Variants in PDE4D observed in about 807,000 individuals in gnomAD.
PDE4D encodes the protein phosphodiesterase 4D.
In PDE4D, 24 loss-of-function variants were observed where a neutral mutation model predicts 87.4. That is an observed-to-expected ratio of 0.27 (90% CI 0.20 to 0.39). The LOEUF (loss-of-function observed/expected upper bound fraction) is 0.39. Ranked by LOEUF, PDE4D falls within the 10% of genes least tolerant of loss-of-function variation. The pLI is 1.00. For missense variants in PDE4D, 714 were observed against 1,041.0 expected, an observed-to-expected ratio of 0.69 and a Z score of 4.32; for synonymous variants, 384 against 383.2, an observed-to-expected ratio of 1.00 and a Z score of -0.02.
intron 1 of PDE4D, among the ~76,000 whole-genome samples, chr5:60,434,357 A>G (rs9291691): frequency 6.6e-6 from 1 of 152,100 alleles, no homozygotes; most frequent in African/African-American, 2.4e-5. Context: ...TTTCTAAATT[A>G]TCAGAAACCA....
rs188103056 is a variant in PDE4D at position 59,813,664 on chromosome 5, A to G, written c.455+79504T>C. Reference sequence around the variant, plus strand: ...AAGAACATTTGACTAAGAGTCTAGCAGGGGAAAATACTGTATTCACAAAAG... The same window carrying G: ...AAGAACATTTGACTAAGAGTCTAGCGGGGGAAAATACTGTATTCACAAAAG... On this transcript the variant is annotated intron_variant, in intron 1 of 14. Transcript: ENST00000340635. Among the ~76,000 whole-genome samples, 294 of 152,314 alleles carry G rather than the reference A, an allele frequency of 1.9e-3. 3 individuals carry two copies. Among genetic ancestry groups the G allele is most frequent in the Admixed American group, 0.017 (256 of 15,296 alleles).
chr5:59,320,179 C>T (rs764523460), intron 1 of PDE4D, among the ~76,000 whole-genome samples: 10 of 152,014 alleles, frequency 6.6e-5, no homozygotes, highest in Non-Finnish European at 1.2e-4. Context: ...CACGCGCATG[C>T]ATGTGCGTGT....
At chr5:59,650,079 T>A (rs946374521) in intron 1 of PDE4D, among the ~76,000 whole-genome samples, 3 of 151,828 alleles carry the variant, frequency 2.0e-5, no homozygotes, top group Non-Finnish European at 2.9e-5. Context: ...ACAAAAGGTT[T>A]ACATGAAAAA....
At chr5:59,759,619 C>T (rs963641684) in intron 1 of PDE4D, among the ~76,000 whole-genome samples, 1 of 152,176 alleles carries the variant, frequency 6.6e-6, no homozygotes, top group Non-Finnish European at 1.5e-5. Context: ...CCAACTATGC[C>T]TTTCAAATGG....
intron 3 of PDE4D, among the ~76,000 whole-genome samples, chr5:59,984,458 GT>G (rs1345362496): frequency 1.3e-5 from 2 of 152,128 alleles, no homozygotes; most frequent in Non-Finnish European, 2.9e-5. Flanking sequence ...TAATAATTCT[GT>G]TTTCTGTTCA....
chr5:59,472,230 C>T (rs952600402), intron 1 of PDE4D, among the ~76,000 whole-genome samples: 1 of 152,110 alleles, frequency 6.6e-6, no homozygotes, highest in African/African-American at 2.4e-5. Context: ...TGCTTGCTGA[C>T]CAAAGCATCC....
rs571808796 is a variant in PDE4D, at chr5:60,438,831, A to T, written c.-90+49111T>A. The stretch of plus-strand genomic sequence containing the variant: ...AAAACAAAGTAGCATTTTTTTTCCT[A>T]TGAGATTAGCACCTGTGTTGGTAGG... On this transcript the variant is annotated intron_variant, in intron 1 of 16. Transcript: ENST00000502484. Among the ~76,000 whole-genome samples the T allele has an allele frequency of 3.9e-5, 6 of 152,202 alleles. No individual in the cohort carries two copies. In the East Asian group the frequency reaches 1.2e-3, roughly 29 times the overall value.
intron 5 of PDE4D, among the ~76,000 whole-genome samples, chr5:59,142,880 G>A (rs1274477970): frequency 6.6e-6 from 1 of 152,210 alleles, no homozygotes; most frequent in Non-Finnish European, 1.5e-5. Flanking sequence ...TCGTGCCACT[G>A]CACTCCAGCC....
chr5:59,587,495 G>A lies in PDE4D; in HGVS notation c.455+305673C>T, dbSNP rs1825337163. On this transcript the variant is annotated intron_variant, in intron 1 of 14. Transcript: ENST00000340635. ...ACAATGGCAACAGGCTCCTGCTGGA[G>A]TCCCCCAGCGCCGAATTTCCAGCAG... The A allele has an allele frequency of 1.1e-5, 11 of 985,276 alleles. No homozygotes were observed. In the South Asian group the frequency reaches 4.7e-4, roughly 42 times the overall value. The allele number at this position is 985,276 out of a possible 1,614,324, so 61.0% of individuals were successfully genotyped here. A position where few individuals can be genotyped will look rare whatever the true frequency, so the allele number is the denominator to read the frequency against.
chr5:59,395,224 C>G (rs1240274112), intron 1 of PDE4D, among the ~76,000 whole-genome samples: 1 of 152,056 alleles, frequency 6.6e-6, no homozygotes, highest in South Asian at 2.1e-4. Context: ...TGGGTGGAGC[C>G]CACCACAGCT....
intron 1 of PDE4D, among the ~76,000 whole-genome samples, chr5:60,306,208 T>G (rs1387865474): frequency 6.6e-6 from 1 of 152,020 alleles, no homozygotes; most frequent in Non-Finnish European, 1.5e-5. Flanking sequence ...AACCTTAACA[T>G]AAAACATTTC....
chr5:59,269,366 T>C (rs1406860657), intron 1 of PDE4D, among the ~76,000 whole-genome samples: 1 of 152,088 alleles, frequency 6.6e-6, no homozygotes, highest in Non-Finnish European at 1.5e-5. Flanking sequence ...AAAAATAAGA[T>C]GCTAAATAAA....
chr5:59,394,858 A>G (rs1199568937), intron 1 of PDE4D, among the ~76,000 whole-genome samples: 2 of 152,058 alleles, frequency 1.3e-5, no homozygotes, highest in African/African-American at 4.8e-5. Context: ...CAGTAGGCGC[A>G]GGTCAGTGGG....
At chr5:59,708,402 A>G (rs997757799) in intron 1 of PDE4D, among the ~76,000 whole-genome samples, 8 of 152,196 alleles carry the variant, frequency 5.3e-5, no homozygotes, top group African/African-American at 1.9e-4. Context: ...AAAAATTAAT[A>G]GATAGACTAC....
chr5:59,726,112 T>C (rs1756557493), intron 1 of PDE4D, among the ~76,000 whole-genome samples: 1 of 152,150 alleles, frequency 6.6e-6, no homozygotes, highest in Non-Finnish European at 1.5e-5. Flanking sequence ...TCAATGTGTT[T>C]AATTTTTTTT....
chr5:60,441,060 T>A (rs926598764), intron 1 of PDE4D, among the ~76,000 whole-genome samples: 4 of 151,994 alleles, frequency 2.6e-5, no homozygotes, highest in Middle Eastern at 3.2e-3. Flanking sequence ...ATGTAAAGAA[T>A]ATCCTAGAGA....
At chr5:60,046,531 A>G (rs990948162) in intron 2 of PDE4D, among the ~76,000 whole-genome samples, 8 of 151,966 alleles carry the variant, frequency 5.3e-5, no homozygotes, top group African/African-American at 1.4e-4. Context: ...ATTATTTTGA[A>G]ATACATCCCA....
intron 1 of PDE4D, among the ~76,000 whole-genome samples, chr5:60,334,259 T>C (rs1757554981): frequency 6.6e-6 from 1 of 152,198 alleles, no homozygotes; most frequent in Non-Finnish European, 1.5e-5. Context: ...TCAATCATTA[T>C]TGATTACTAG....
At chr5:59,285,866 G>C (rs1467179147) in intron 1 of PDE4D, among the ~76,000 whole-genome samples, 1 of 152,130 alleles carries the variant, frequency 6.6e-6, no homozygotes, top group Non-Finnish European at 1.5e-5. Flanking sequence ...TGAGATGGCT[G>C]TTTCTCTGGA....
Sources: allele counts gnomAD v4.1 joint callset (sites outside exome capture counted in the v4.1 genomes callset), GRCh38; gene constraint gnomAD v4.1.1; transcripts MANE v1.5; gene names NCBI Gene and HGNC (gene_info 2026-07-23, HGNC 2026-07-21).